Variants in ASB9 observed in about 807,000 individuals in gnomAD.
ASB9 encodes the protein ankyrin repeat and SOCS box containing 9, also known as ankyrin repeat and SOCS box protein 9.
Under a neutral mutation model 16.6 loss-of-function variants are expected in ASB9, and 5 were observed. That is an observed-to-expected ratio of 0.30 (90% CI 0.16 to 0.63). The LOEUF is 0.63. Ranked by LOEUF, ASB9 falls within the 30% of genes least tolerant of loss-of-function variation. The probability of loss-of-function intolerance (pLI) is 0.82; values close to 1 mark genes in which losing one functional copy is unlikely to be tolerated. For synonymous variants in ASB9, 100 were observed against 86.4 expected, an observed-to-expected ratio of 1.16 and a Z score of -0.87; for missense variants, 216 against 229.4, an observed-to-expected ratio of 0.94 and a Z score of 0.38.
chrX:15,249,006 C>CG (rs372703086), intron 5 of ASB9, 71 bp from the exon 6 acceptor site: 1 of 1,014,071 alleles, frequency 9.9e-7, no homozygotes. Context: ...TTCAAAGCCC[C>CG]GAGCCCCAAA....
At chrX:15,250,600 A>C (rs1463926278) in intron 4 of ASB9, 36 bp from the exon 5 acceptor site, 1 of 1,167,643 alleles carries the variant, frequency 8.6e-7, no homozygotes, top group East Asian at 3.0e-5. Context: ...CAGTTACAAT[A>C]CAAGTTCCCT....
rs1370251406 is a variant in ASB9, at chrX:15,248,945, C to A, written c.569-10G>T. On this transcript the variant is annotated splice_polypyrimidine_tract_variant and intron_variant, in intron 5 of 6. Transcript: ENST00000380488. Reference sequence around the variant, plus strand: ...TGGTTCACGTCCGCTCCTAAACAGTCACGAGAACAAAAAAGAGTCAGCAAG... The same window carrying A: ...TGGTTCACGTCCGCTCCTAAACAGTAACGAGAACAAAAAAGAGTCAGCAAG... The A allele has an allele frequency of 3.5e-6, 4 of 1,147,999 alleles. No homozygotes were observed. Among genetic ancestry groups the A allele is most frequent in the Admixed American group, 2.7e-5 (1 of 36,713 alleles). The allele number at this position is 1,147,999 out of a possible 1,213,427, so 94.6% of individuals were successfully genotyped here. A position where few individuals can be genotyped will look rare whatever the true frequency, so the allele number is the denominator to read the frequency against.
At chrX:15,268,655 T>A (rs1602170776) in intron 1 of ASB9, among the ~76,000 whole-genome samples, 1 of 107,098 alleles carries the variant, frequency 9.3e-6, no homozygotes, top group South Asian at 4.5e-4. Flanking sequence ...CCTGACATCG[T>A]GATCTGCCCG....
chrX:15,266,738 C>T (rs1230807805), intron 1 of ASB9, among the ~76,000 whole-genome samples: 2 of 110,131 alleles, frequency 1.8e-5, no homozygotes, highest in East Asian at 2.9e-4. Flanking sequence ...AGATTGAGAC[C>T]ATCCTGGCTA....
intron 2 of ASB9, among the ~76,000 whole-genome samples, chrX:15,257,103 A>G (rs1925631510): frequency 9.0e-6 from 1 of 111,438 alleles, no homozygotes; most frequent in Non-Finnish European, 1.9e-5. Flanking sequence ...TCCAGGCACA[A>G]CTGCCATTGT....
At chrX:15,253,968 G>A (rs1925339267) in intron 3 of ASB9, among the ~76,000 whole-genome samples, 1 of 111,823 alleles carries the variant, frequency 8.9e-6, no homozygotes, top group Non-Finnish European at 1.9e-5. Flanking sequence ...AGGACCCTGA[G>A]AGCGAGCACT....
intron 1 of ASB9, among the ~76,000 whole-genome samples, chrX:15,262,445 G>C (rs945069532): frequency 1.8e-5 from 2 of 111,874 alleles, no homozygotes; most frequent in African/African-American, 6.5e-5. Context: ...TCAGTTCAGG[G>C]TTTGTTAAGC....
intron 4 of ASB9, among the ~76,000 whole-genome samples, chrX:15,250,915 G>C (rs1350178273): frequency 9.0e-6 from 1 of 111,013 alleles, no homozygotes; most frequent in Non-Finnish European, 1.9e-5. Flanking sequence ...TAGAGATGGG[G>C]TTTCACCGTG....
At chrX:15,250,293 A>G in intron 5 of ASB9, 137 bp downstream of exon 5, 1 of 651,344 alleles carries the variant, frequency 1.5e-6, no homozygotes, top group Non-Finnish European at 2.3e-6. Flanking sequence ...CCCCAAGGGA[A>G]CACAGTCAAT....
chrX:15,260,626 C>T, intron 1 of ASB9, among the ~76,000 whole-genome samples: 1 of 111,536 alleles, frequency 9.0e-6, no homozygotes, highest in Middle Eastern at 4.6e-3. Flanking sequence ...AGCTCCAGCT[C>T]CACCTGCTTC....
chrX:15,267,417 A>AAATATAT (rs780282231), intron 1 of ASB9, among the ~76,000 whole-genome samples: 52 of 77,979 alleles, frequency 6.7e-4, no homozygotes, highest in African/African-American at 2.7e-3. Context: ...CTAAAAAAAA[A>AAATATAT]ATATATATAT....
At chrX:15,259,635 GT>G (rs752162137) in intron 1 of ASB9, among the ~76,000 whole-genome samples, 1 of 112,156 alleles carries the variant, frequency 8.9e-6, no homozygotes, top group East Asian at 2.8e-4. Flanking sequence ...TCTCTGTAAA[GT>G]TACAAGTTGA....
chrX:15,252,440 G>A, intron 3 of ASB9, 36 bp from the exon 4 acceptor site: 1 of 1,156,822 alleles, frequency 8.6e-7, no homozygotes. Context: ...GACAGGAAGG[G>A]GGATGTTTTG....
chrX:15,249,647 A>C, intron 5 of ASB9, among the ~76,000 whole-genome samples: 1 of 112,447 alleles, frequency 8.9e-6, no homozygotes, highest in African/African-American at 3.2e-5. Flanking sequence ...CCACTCAACA[A>C]ATGTTAACTG....
intron 2 of ASB9, among the ~76,000 whole-genome samples, chrX:15,257,717 T>TC (rs1925690870): frequency 3.6e-5 from 4 of 111,866 alleles, no homozygotes; most frequent in Admixed American, 1.9e-4. Flanking sequence ...TTCTTAGTTT[T>TC]TAAAAAAAGA....
At chrX:15,263,988 G>A (rs149201750) in intron 1 of ASB9, among the ~76,000 whole-genome samples, 1 of 111,488 alleles carries the variant, frequency 9.0e-6, no homozygotes, top group Admixed American at 9.6e-5. Flanking sequence ...GCCTCCTAGG[G>A]ATACCATAAC....
chrX:15,262,739 C>A (rs1926074218), intron 1 of ASB9, among the ~76,000 whole-genome samples: 1 of 112,455 alleles, frequency 8.9e-6, no homozygotes, highest in Non-Finnish European at 1.9e-5. Flanking sequence ...TCAAGTGGTT[C>A]TCCTGCCTCA....
chrX:15,263,729 A>G (rs549000394), intron 1 of ASB9, among the ~76,000 whole-genome samples: 7 of 111,372 alleles, frequency 6.3e-5, no homozygotes, highest in African/African-American at 2.3e-4. Flanking sequence ...AAAATTCACC[A>G]TAAGACAATA....
At chrX:15,252,489 T>A in intron 3 of ASB9, 85 bp from the exon 4 acceptor site, 1 of 910,198 alleles carries the variant, frequency 1.1e-6, no homozygotes, top group Non-Finnish European at 1.5e-6. Context: ...AGATGTTATT[T>A]AACATCTCTG....
Sources: allele counts gnomAD v4.1 joint callset (sites outside exome capture counted in the v4.1 genomes callset), GRCh38; gene constraint gnomAD v4.1.1; transcripts MANE v1.5; gene names NCBI Gene and HGNC (gene_info 2026-07-23, HGNC 2026-07-21).